Variants in TRPC6 observed in about 807,000 individuals in gnomAD.
TRPC6 encodes the protein short transient receptor potential channel 6.
TRPC6 carries 55 observed loss-of-function variants against 90.7 expected under a neutral mutation model. The observed-to-expected ratio is 0.61, with a 90% CI of 0.49 to 0.76. The LOEUF is 0.76. Among genes scored for constraint, TRPC6 ranks in the 30% least tolerant of loss-of-function variants. TRPC6 has a pLI of 0.00. For missense variants in TRPC6, 989 were observed against 1,122.7 expected (o/e 0.88, Z 1.70); for synonymous variants, 393 against 393.0 (o/e 1.00, Z 0.00).
intron 1 of TRPC6, among the ~76,000 whole-genome samples, chr11:101,544,280 T>C (rs1293086308): frequency 6.6e-6 from 1 of 152,218 alleles, no homozygotes; most frequent in Non-Finnish European, 1.5e-5. Flanking sequence ...ACACTGTTGG[T>C]GGCAGTGTAA....
rs76286396 is a variant in TRPC6 at position 101,547,637 on chromosome 11, A to C, written c.170+35697T>G. Among the ~76,000 whole-genome samples, 283 of 152,306 alleles carry C rather than the reference A, an allele frequency of 1.9e-3. 1 individual carries two copies. The highest frequency in any genetic ancestry group is 6.6e-3 in the African/African-American group (273 of 41,566). On this transcript the variant is annotated intron_variant, in intron 1 of 12. Transcript: ENST00000344327. The stretch of plus-strand genomic sequence containing the variant: ...ATTTCTTCCTATCTGTAATTTAGAA[A>C]GCAATAAGTTATCAGAAATTTTGTG...
intron 9 of TRPC6, 138 bp from the exon 10 acceptor site, chr11:101,469,639 G>C: frequency 1.7e-6 from 1 of 583,004 alleles, no homozygotes; most frequent in Non-Finnish European, 3.1e-6. Context: ...TCTTCCCTTT[G>C]CAAGTGCTTG....
intron 10 of TRPC6, among the ~76,000 whole-genome samples, chr11:101,466,987 C>T (rs1374253481): frequency 6.6e-6 from 1 of 152,042 alleles, no homozygotes; most frequent in Non-Finnish European, 1.5e-5. Context: ...AATTCCCCAA[C>T]CCCTTGCGAT....
chr11:101,555,731 AC>A (rs1303025842), intron 1 of TRPC6, among the ~76,000 whole-genome samples: 1 of 152,192 alleles, frequency 6.6e-6, no homozygotes, highest in Non-Finnish European at 1.5e-5. Context: ...TTCTATGAGA[AC>A]TAGTCATTTT....
At chr11:101,579,185 A>G (rs10895148) in intron 1 of TRPC6, among the ~76,000 whole-genome samples, 34,665 of 152,072 alleles carry the variant, frequency 0.23, 4,286 homozygotes, top group Middle Eastern at 0.35. Context: ...ATTATCATCA[A>G]TTATGTTCTA....
rs1205852509 is a variant in TRPC6, at chr11:101,576,802, G to GA, written c.170+6531dup. On this transcript the variant is annotated intron_variant, in intron 1 of 12. Transcript: ENST00000344327. ...ACTCAAGGAGCATAAACTGTCTAGA[G>GA]AAAAAAAATTATGCAATGTCTTCCT... 1.2e-4 allele frequency among the ~76,000 whole-genome samples: 18 copies of GA among 152,096 alleles called. No homozygotes were observed. The East Asian group carries it at 3.5e-3, about 29-fold the overall frequency.
chr11:101,483,133 C>T lies in TRPC6; in HGVS notation c.1326G>A (p.Lys442=). The T allele has an allele frequency of 6.2e-7, 1 of 1,614,010 alleles. No homozygotes were observed. The highest frequency in any genetic ancestry group is 8.5e-7 in the Non-Finnish European group (1 of 1,179,922). ...MGKIMRGPFM[K]FVAHAASFTI... The stretch of plus-strand genomic sequence containing the variant: ...TGAAGGAGGCTGCGTGTGCTACAAA[C>T]TTCATGAATGGTCCACGCATTATCT... The change falls in exon 5 of 13, where the codon AAG becomes AAA. Residue 442 remains lysine (K), a synonymous_variant. Coordinates refer to ENST00000344327, the MANE Select transcript of TRPC6 (RefSeq NM_004621.6).
At chr11:101,500,115 C>T (rs1392173586) in intron 2 of TRPC6, among the ~76,000 whole-genome samples, 1 of 147,096 alleles carries the variant, frequency 6.8e-6, no homozygotes, top group Non-Finnish European at 1.5e-5. Flanking sequence ...AATATATAGC[C>T]AAAGTGTGAA....
intron 10 of TRPC6, among the ~76,000 whole-genome samples, chr11:101,465,630 A>T (rs1275764855): frequency 2.0e-5 from 3 of 152,012 alleles, no homozygotes; most frequent in Admixed American, 6.6e-5. Flanking sequence ...TGTGTTTTTC[A>T]GCTCCATCAG....
chr11:101,550,628 AG>A (rs893743440), intron 1 of TRPC6, among the ~76,000 whole-genome samples: 3 of 151,750 alleles, frequency 2.0e-5, no homozygotes, highest in Non-Finnish European at 4.4e-5. Context: ...ATAAGGATAA[AG>A]GGCAATTGAA....
intron 1 of TRPC6, among the ~76,000 whole-genome samples, chr11:101,556,719 C>G (rs1168427028): frequency 6.6e-6 from 1 of 152,118 alleles, no homozygotes; most frequent in Non-Finnish European, 1.5e-5. Context: ...GCCAGCCCTA[C>G]CCTGATACCA....
chr11:101,562,345 T>C (rs1861732609), intron 1 of TRPC6, among the ~76,000 whole-genome samples: 1 of 152,312 alleles, frequency 6.6e-6, no homozygotes, highest in Admixed American at 6.5e-5. Context: ...TATAATTTAG[T>C]TAACTATTTA....
chr11:101,498,489 G>A (rs1174694573), intron 2 of TRPC6, among the ~76,000 whole-genome samples: 1 of 152,050 alleles, frequency 6.6e-6, no homozygotes, highest in African/African-American at 2.4e-5. Flanking sequence ...GTGGTGATAT[G>A]AGTAACAAAA....
At chr11:101,570,723 C>G (rs1360876293) in intron 1 of TRPC6, among the ~76,000 whole-genome samples, 2 of 152,144 alleles carry the variant, frequency 1.3e-5, no homozygotes, top group African/African-American at 4.8e-5. Flanking sequence ...TCAACATACA[C>G]AAATCAATAA....
chr11:101,578,316 CTTT>C (rs58799857), intron 1 of TRPC6, among the ~76,000 whole-genome samples: 52,888 of 151,796 alleles, frequency 0.35, 9,994 homozygotes, highest in Non-Finnish European at 0.44. Flanking sequence ...TCTTAAACTT[CTTT>C]AAGAGACTAG....
intron 2 of TRPC6, among the ~76,000 whole-genome samples, chr11:101,493,157 G>T (rs547593985): frequency 4.3e-4 from 66 of 152,298 alleles, no homozygotes; most frequent in Non-Finnish European, 7.9e-4. Flanking sequence ...CCTATTAGCA[G>T]GGGTGTTCAA....
intron 12 of TRPC6, 125 bp downstream of exon 12, chr11:101,453,525 T>G: frequency 1.1e-6 from 1 of 946,250 alleles, no homozygotes; most frequent in Non-Finnish European, 1.7e-6. Flanking sequence ...GGTGAGATCC[T>G]GTTCTACTTT....
At chr11:101,464,158 C>G (rs1859080917) in intron 10 of TRPC6, among the ~76,000 whole-genome samples, 1 of 152,124 alleles carries the variant, frequency 6.6e-6, no homozygotes, top group Non-Finnish European at 1.5e-5. Context: ...GTCTGAGAGA[C>G]CATTTTTTAT....
intron 1 of TRPC6, among the ~76,000 whole-genome samples, chr11:101,576,435 C>T (rs1260997831): frequency 1.3e-5 from 2 of 152,158 alleles, no homozygotes; most frequent in Non-Finnish European, 1.5e-5. Context: ...GTATGTGTAA[C>T]ACTCATTTCT....
Sources: allele counts gnomAD v4.1 joint callset (sites outside exome capture counted in the v4.1 genomes callset), GRCh38; gene constraint gnomAD v4.1.1; transcripts MANE v1.5; gene names NCBI Gene and HGNC (gene_info 2026-07-23, HGNC 2026-07-21).